Variants in AGPAT4 observed in about 807,000 individuals in gnomAD.
AGPAT4 encodes 1-acyl-sn-glycerol-3-phosphate acyltransferase delta.
In AGPAT4, 15 loss-of-function variants were observed where a neutral mutation model predicts 48.0. The observed-to-expected ratio is 0.31, with a 90% CI of 0.21 to 0.48. The LOEUF is 0.48. Ranked by LOEUF, AGPAT4 falls within the 20% of genes least tolerant of loss-of-function variation. AGPAT4 has a pLI of 0.99. For missense variants in AGPAT4, 314 were observed against 482.5 expected, an observed-to-expected ratio of 0.65 and a Z score of 3.27; for synonymous variants, 178 against 198.7, an observed-to-expected ratio of 0.90 and a Z score of 0.88.
rs1282570479 is a variant in AGPAT4, at chr6:161,221,654, A to G, written c.178+10382T>C. On this transcript the variant is annotated intron_variant, in intron 2 of 8. Transcript: ENST00000320285. The surrounding 1 kb of genome is among the most constrained non-coding windows in gnomAD (Gnocchi z 4.5). ...TGGGGAACTGAAGTAACAGAAATTG[A>G]TTGTCTGAGTTCTGGATTCCAGGAA... 6.6e-6 allele frequency among the ~76,000 whole-genome samples: 1 copy of G among 152,096 alleles called. No individual in the cohort carries two copies. The highest frequency in any genetic ancestry group is 1.5e-5 in the Non-Finnish European group (1 of 68,018).
chr6:161,258,259 A>G (rs927436719), intron 1 of AGPAT4, among the ~76,000 whole-genome samples: 3 of 152,350 alleles, frequency 2.0e-5, no homozygotes, highest in Admixed American at 2.0e-4. Flanking sequence ...CTTGGCTGCA[A>G]TAACGGAAGT....
chr6:161,213,227 A>G (rs916771619), intron 2 of AGPAT4, among the ~76,000 whole-genome samples: 14 of 152,222 alleles, frequency 9.2e-5, no homozygotes, highest in African/African-American at 3.4e-4. Context: ...TATGGAACAC[A>G]GTTCCATCAA....
In AGPAT4 at chr6:161,222,837, G is replaced by A. The variant is rs1010177098; in HGVS notation, c.178+9199C>T. Among the ~76,000 whole-genome samples the A allele has an allele frequency of 2.6e-5, 4 of 152,092 alleles. No individual in the cohort carries two copies. Among genetic ancestry groups the A allele is most frequent in the Non-Finnish European group, 4.4e-5 (3 of 68,026 alleles). Reference sequence around the variant, plus strand: ...TCATTCATTTGCACGGTGGCCTCACGACACAGCAAGGCCATGATGACATTT... The same window carrying A: ...TCATTCATTTGCACGGTGGCCTCACAACACAGCAAGGCCATGATGACATTT... On this transcript the variant is annotated intron_variant, in intron 2 of 8. Coordinates refer to ENST00000320285, the MANE Select transcript of AGPAT4 (RefSeq NM_020133.3). The surrounding 1 kb of genome is among the most constrained non-coding windows in gnomAD (Gnocchi z 5.9).
In AGPAT4 at chr6:161,214,993, CA is replaced by C. The variant is rs1211781727; in HGVS notation, c.178+17042del. On this transcript the variant is annotated intron_variant, in intron 2 of 8. Transcript: ENST00000320285. The surrounding 1 kb of genome is among the most constrained non-coding windows in gnomAD (Gnocchi z 5.4). ...AAGGCAACAGGCCCATCTGCAGTTTCAAAAAATCAGACCATATCCAGCTTCA... is the reference window on the plus strand; with the variant it reads ...AAGGCAACAGGCCCATCTGCAGTTTCAAAAATCAGACCATATCCAGCTTCA... Among the ~76,000 whole-genome samples, 1 of 152,044 alleles carries C rather than the reference CA, an allele frequency of 6.6e-6. No individual in the cohort carries two copies. The highest frequency in any genetic ancestry group is 1.5e-5 in the Non-Finnish European group (1 of 67,994).
intron 5 of AGPAT4, among the ~76,000 whole-genome samples, chr6:161,152,668 G>T (rs1452201848): frequency 2.0e-5 from 3 of 152,172 alleles, no homozygotes; most frequent in Non-Finnish European, 4.4e-5. Flanking sequence ...GCCGCATTCA[G>T]CTGGGTTCTA....
Position 161,249,371 on chromosome 6 carries a change from A to T in AGPAT4, c.-89-17069T>A, listed in dbSNP as rs1017954752. ...AGCAAAGGAAACTATCAACTAAGTGAACAGACAACCTACAGAATGGGATGA... is the reference window on the plus strand; with the variant it reads ...AGCAAAGGAAACTATCAACTAAGTGTACAGACAACCTACAGAATGGGATGA... On this transcript the variant is annotated intron_variant, in intron 1 of 8. Transcript: ENST00000320285. This position sits in a 1 kb window ranked among gnomAD's most constrained non-coding sequence, Gnocchi z 6.2. 1.3e-5 allele frequency among the ~76,000 whole-genome samples: 2 copies of T among 152,250 alleles called. No individual in the cohort carries two copies. The highest frequency in any genetic ancestry group is 2.9e-5 in the Non-Finnish European group (2 of 68,044).
Position 161,266,741 on chromosome 6 carries a change from C to T in AGPAT4, c.-90+7197G>A, listed in dbSNP as rs1783275562. Among the ~76,000 whole-genome samples the T allele has an allele frequency of 1.3e-5, 2 of 152,178 alleles. No individual in the cohort carries two copies. The highest frequency in any genetic ancestry group is 1.3e-4 in the Admixed American group (2 of 15,286). The stretch of plus-strand genomic sequence containing the variant: ...CGCAGGACACAGTCTGAGATGATTG[C>T]ATTGATTGTCTGCTGATGGCTGCAG... On this transcript the variant is annotated intron_variant, in intron 1 of 8. Transcript: ENST00000320285. The surrounding 1 kb of genome is among the most constrained non-coding windows in gnomAD (Gnocchi z 6.2).
chr6:161,187,727 AGAGACAGG>A (rs1780812099), intron 2 of AGPAT4, among the ~76,000 whole-genome samples: 1 of 152,020 alleles, frequency 6.6e-6, no homozygotes, highest in Non-Finnish European at 1.5e-5. Context: ...TATGTTTAGT[AGAGACAGG>A]GTTTCACCAT....
rs1054637764 is a variant in AGPAT4, at chr6:161,139,351, G to T, written c.1042+71C>A. 1 of 1,551,146 alleles carries T rather than the reference G, an allele frequency of 6.4e-7. No homozygotes were observed. The highest frequency in any genetic ancestry group is 1.4e-5 in the African/African-American group (1 of 73,530). On this transcript the variant is annotated intron_variant, in intron 8 of 8. Transcript: ENST00000320285. The surrounding 1 kb of genome is among the most constrained non-coding windows in gnomAD (Gnocchi z 9.1). The stretch of plus-strand genomic sequence containing the variant: ...ACAACTGCCTATACAGATGGCCTTC[G>T]TCCCAGCCCTGATGCCACCTCTCCC...
chr6:161,175,183 C>A (rs1780394080), intron 2 of AGPAT4, among the ~76,000 whole-genome samples: 1 of 152,154 alleles, frequency 6.6e-6, no homozygotes, highest in South Asian at 2.1e-4. Context: ...AGGGAGGATT[C>A]TCTTTTTTTC....
chr6:161,198,031 C>T lies in AGPAT4; in HGVS notation c.179-31614G>A, dbSNP rs1337264301. On this transcript the variant is annotated intron_variant, in intron 2 of 8. Transcript: ENST00000320285. The surrounding 1 kb of genome is among the most constrained non-coding windows in gnomAD (Gnocchi z 4.3). ...GTTTCCCCCAACTCTTCTTCAGTCT[C>T]TCATACTTCATTCTTCCCACTCTTC... Among the ~76,000 whole-genome samples the T allele has an allele frequency of 2.6e-5, 4 of 152,146 alleles. No individual in the cohort carries two copies. The highest frequency in any genetic ancestry group is 4.8e-5 in the African/African-American group (2 of 41,416).
chr6:161,130,675 C>G lies in AGPAT4; in HGVS notation c.*5865G>C, dbSNP rs1249675710. 1 of 311,628 alleles carries G rather than the reference C, an allele frequency of 3.2e-6. No homozygotes were observed. Among genetic ancestry groups the G allele is most frequent in the Non-Finnish European group, 6.6e-6 (1 of 152,350 alleles). 19.3% of individuals were successfully genotyped at this position (311,628 alleles called of 1,614,324 possible). On this transcript the variant is annotated 3_prime_UTR_variant, in exon 9 of 9. Coordinates refer to ENST00000320285, the MANE Select transcript of AGPAT4 (RefSeq NM_020133.3). ...GGGCTGATCCATCTCCCGTGAACATCTGTTGACTGTGGGCGGCCTGGGCCA... is the reference window on the plus strand; with the variant it reads ...GGGCTGATCCATCTCCCGTGAACATGTGTTGACTGTGGGCGGCCTGGGCCA...
chr6:161,160,859 G>C (rs1304204777), intron 3 of AGPAT4: 1 of 388,492 alleles, frequency 2.6e-6, no homozygotes, highest in South Asian at 1.9e-5. Context: ...GAGCAGAGGC[G>C]TTACAGGGGT....
chr6:161,260,919 G>A lies in AGPAT4; in HGVS notation c.-90+13019C>T, dbSNP rs541653690. Among the ~76,000 whole-genome samples the A allele has an allele frequency of 2.6e-5, 4 of 152,252 alleles. No individual in the cohort carries two copies. In the South Asian group the frequency reaches 8.3e-4, roughly 32 times the overall value. Reference sequence around the variant, plus strand: ...AAAGAAAAAATAAATAAACGTCAGGGTTAGGACACCTGATTTCACCAGGCA... The same window carrying A: ...AAAGAAAAAATAAATAAACGTCAGGATTAGGACACCTGATTTCACCAGGCA... On this transcript the variant is annotated intron_variant, in intron 1 of 8. Transcript: ENST00000320285.
rs1171061761 is a variant in AGPAT4 at position 161,216,179 on chromosome 6, A to C, written c.178+15857T>G. On this transcript the variant is annotated intron_variant, in intron 2 of 8. Transcript: ENST00000320285. The surrounding 1 kb of genome is among the most constrained non-coding windows in gnomAD (Gnocchi z 4.8). The stretch of plus-strand genomic sequence containing the variant: ...GACTAACACTCTTAGACACAAATAC[A>C]AGTTGGAGATGTCTCTGAAAGGGTT... 6.6e-6 allele frequency among the ~76,000 whole-genome samples: 1 copy of C among 152,182 alleles called. No homozygotes were observed. The highest frequency in any genetic ancestry group is 1.5e-5 in the Non-Finnish European group (1 of 68,032).
At position 161,234,365 on chromosome 6, in the gene AGPAT4, C is replaced by A. The variant is rs949592836; in HGVS notation, c.-89-2063G>T. On this transcript the variant is annotated intron_variant, in intron 1 of 8. Transcript: ENST00000320285. The surrounding 1 kb of genome is among the most constrained non-coding windows in gnomAD (Gnocchi z 4.4). ...CCACTGAGACATCCCATTCTCTAGGCCCCAGAAGCTCCACTCTCTGGCACA... is the reference window on the plus strand; with the variant it reads ...CCACTGAGACATCCCATTCTCTAGGACCCAGAAGCTCCACTCTCTGGCACA... Among the ~76,000 whole-genome samples, 3 of 152,154 alleles carry A rather than the reference C, an allele frequency of 2.0e-5. No homozygotes were observed. The highest frequency in any genetic ancestry group is 2.9e-5 in the Non-Finnish European group (2 of 68,024).
At chr6:161,241,004 C>T (rs1416165905) in intron 1 of AGPAT4, among the ~76,000 whole-genome samples, 1 of 152,062 alleles carries the variant, frequency 6.6e-6, no homozygotes, top group African/African-American at 2.4e-5. Context: ...GCGGCTCACA[C>T]CTGTAATCCC....
At chr6:161,252,352 A>G (rs905029939) in intron 1 of AGPAT4, among the ~76,000 whole-genome samples, 1 of 152,254 alleles carries the variant, frequency 6.6e-6, no homozygotes, top group Non-Finnish European at 1.5e-5. Flanking sequence ...TTCATAAACT[A>G]GATGAATTCT....
chr6:161,189,083 C>T lies in AGPAT4; in HGVS notation c.179-22666G>A, dbSNP rs1481112902. The stretch of plus-strand genomic sequence containing the variant: ...ATCTGTGCCTATTTTATATCCCCAT[C>T]TTTAAAACATCCCTGATAAATCATT... On this transcript the variant is annotated intron_variant, in intron 2 of 8. Transcript: ENST00000320285. The surrounding 1 kb of genome is among the most constrained non-coding windows in gnomAD (Gnocchi z 5.3). 6.6e-6 allele frequency among the ~76,000 whole-genome samples: 1 copy of T among 152,230 alleles called. No individual in the cohort carries two copies. The highest frequency in any genetic ancestry group is 6.5e-5 in the Admixed American group (1 of 15,286).
Sources: allele counts gnomAD v4.1 joint callset (sites outside exome capture counted in the v4.1 genomes callset), GRCh38; gene constraint gnomAD v4.1.1; non-coding constraint Gnocchi (gnomAD v3.1); transcripts MANE v1.5; gene names NCBI Gene and HGNC (gene_info 2026-07-23, HGNC 2026-07-21).